Variants in GCNT2 observed in about 807,000 individuals in gnomAD.
GCNT2 encodes N-acetyllactosaminide beta-1,6-N-acetylglucosaminyl-transferase.
GCNT2 carries 34 observed loss-of-function variants against 34.2 expected under a neutral mutation model. That is an observed-to-expected ratio of 1.00 (90% CI 0.76 to 1.32). The LOEUF is 1.32. Ranked by LOEUF, GCNT2 falls within the 40% of genes most tolerant of loss-of-function variation. GCNT2 has a pLI of 0.00. For synonymous variants in GCNT2, 212 were observed against 188.0 expected, an observed-to-expected ratio of 1.13 and a Z score of -1.04; for missense variants, 584 against 489.4, an observed-to-expected ratio of 1.19 and a Z score of -1.82.
chr6:10,590,387 G>A (rs772060520), intron 3 of GCNT2, among the ~76,000 whole-genome samples: 5 of 144,802 alleles, frequency 3.5e-5, no homozygotes, highest in Non-Finnish European at 7.5e-5. Flanking sequence ...GACAGAGTGA[G>A]ACTCTGTCTC....
intron 3 of GCNT2, among the ~76,000 whole-genome samples, chr6:10,611,575 C>T (rs1039122720): frequency 1.6e-4 from 25 of 152,058 alleles, no homozygotes; most frequent in Non-Finnish European, 1.5e-4. Flanking sequence ...GTGGTCTGCC[C>T]GCCTCGGCCT....
intron 3 of GCNT2, among the ~76,000 whole-genome samples, chr6:10,569,813 T>C (rs1763458631): frequency 6.6e-6 from 1 of 151,660 alleles, no homozygotes; most frequent in Non-Finnish European, 1.5e-5. Context: ...CCCTCTGAGC[T>C]CATATGGATT....
At chr6:10,595,020 T>C (rs894093895) in intron 3 of GCNT2, among the ~76,000 whole-genome samples, 3 of 152,064 alleles carry the variant, frequency 2.0e-5, no homozygotes, top group Non-Finnish European at 2.9e-5. Context: ...TAATTTTTAA[T>C]TTCTTGTCGA....
intron 3 of GCNT2, among the ~76,000 whole-genome samples, chr6:10,565,689 C>T (rs974505503): frequency 6.6e-6 from 1 of 152,198 alleles, no homozygotes; most frequent in African/African-American, 2.4e-5. Flanking sequence ...CTACCTACAA[C>T]AGTCTTGGTA....
At chr6:10,589,028 T>C (rs1318035282) in intron 3 of GCNT2, among the ~76,000 whole-genome samples, 1 of 140,710 alleles carries the variant, frequency 7.1e-6, no homozygotes, top group African/African-American at 2.7e-5. Context: ...ATGTGGTGTA[T>C]GTGCGTGGTA....
intron 3 of GCNT2, among the ~76,000 whole-genome samples, chr6:10,544,642 A>T (rs1762185866): frequency 6.7e-6 from 1 of 149,670 alleles, no homozygotes; most frequent in South Asian, 2.2e-4. Context: ...TATTAAATAA[A>T]TAAATAAATA....
At chr6:10,587,507 T>C (rs2127414383) in intron 3 of GCNT2, among the ~76,000 whole-genome samples, 1 of 152,326 alleles carries the variant, frequency 6.6e-6, no homozygotes, top group East Asian at 1.9e-4. Context: ...GAGGAGTGGG[T>C]AACAAAGAGT....
rs188840062 is a variant in GCNT2, at chr6:10,612,241, C to T, written c.926-9110C>T. On this transcript the variant is annotated intron_variant, in intron 3 of 4. Transcript: ENST00000495262. Reference sequence around the variant, plus strand: ...ACCTCAGGTAATCCACTCCTCTCAGCCTCCCAGAGTGCTGAGATTACAGGC... The same window carrying T: ...ACCTCAGGTAATCCACTCCTCTCAGTCTCCCAGAGTGCTGAGATTACAGGC... 2.6e-3 allele frequency among the ~76,000 whole-genome samples: 391 copies of T among 152,316 alleles called. 4 individuals carry two copies. The highest frequency in any genetic ancestry group is 8.9e-3 in the African/African-American group (368 of 41,574).
chr6:10,544,263 G>A (rs1390851992), intron 3 of GCNT2, among the ~76,000 whole-genome samples: 3 of 151,524 alleles, frequency 2.0e-5, no homozygotes, highest in Non-Finnish European at 4.4e-5. Flanking sequence ...GCAGTGAGCC[G>A]AGATCACATC....
At chr6:10,543,603 T>A (rs1762134000) in intron 3 of GCNT2, among the ~76,000 whole-genome samples, 1 of 152,192 alleles carries the variant, frequency 6.6e-6, no homozygotes, top group Non-Finnish European at 1.5e-5. Flanking sequence ...TTTTTTCATA[T>A]CCTTGTTATT....
chr6:10,585,887 T>A (rs1010292926), intron 3 of GCNT2: 1 of 1,576,682 alleles, frequency 6.3e-7, no homozygotes, highest in African/African-American at 1.4e-5. Flanking sequence ...CCGGAGAAGC[T>A]GTCGAAATTC....
chr6:10,544,149 A>G (rs1045607903), intron 3 of GCNT2, among the ~76,000 whole-genome samples: 9 of 152,108 alleles, frequency 5.9e-5, no homozygotes, highest in African/African-American at 1.9e-4. Context: ...CCCCGTCTCT[A>G]GTAAAAATAC....
chr6:10,559,379 T>C (rs1762869769), intron 3 of GCNT2, among the ~76,000 whole-genome samples: 1 of 152,216 alleles, frequency 6.6e-6, no homozygotes, highest in South Asian at 2.1e-4. Flanking sequence ...CCTTTTTTGC[T>C]GTAGGTTTAT....
chr6:10,576,527 AAAAC>A (rs1317568888), intron 3 of GCNT2, among the ~76,000 whole-genome samples: 2 of 152,208 alleles, frequency 1.3e-5, no homozygotes, highest in African/African-American at 2.4e-5. Flanking sequence ...GTTAATTAAA[AAAAC>A]AAAAATCTAT....
chr6:10,555,321 G>A (rs1384979640), intron 3 of GCNT2, among the ~76,000 whole-genome samples: 1 of 152,122 alleles, frequency 6.6e-6, no homozygotes, highest in Non-Finnish European at 1.5e-5. Context: ...AACTTTCCAA[G>A]TAAAACAGCT....
intron 3 of GCNT2, among the ~76,000 whole-genome samples, chr6:10,538,437 A>AAAAAAAAAT (rs1554127249): frequency 2.7e-5 from 2 of 73,344 alleles, no homozygotes; most frequent in Non-Finnish European, 4.3e-5. Context: ...AAAAAAAAAA[A>AAAAAAAAAT]ATATATATAT....
chr6:10,616,667 G>A (rs1765780495), intron 3 of GCNT2, among the ~76,000 whole-genome samples: 1 of 152,196 alleles, frequency 6.6e-6, no homozygotes, highest in South Asian at 2.1e-4. Context: ...ACTAGATACA[G>A]AGTGCCGATT....
At chr6:10,536,986 G>A (rs980703826) in intron 3 of GCNT2, among the ~76,000 whole-genome samples, 1 of 151,958 alleles carries the variant, frequency 6.6e-6, no homozygotes, top group Non-Finnish European at 1.5e-5. Flanking sequence ...GGCTGGTCTC[G>A]AACTCCTGAC....
chr6:10,538,576 C>T (rs1364225820), intron 3 of GCNT2, among the ~76,000 whole-genome samples: 1 of 151,384 alleles, frequency 6.6e-6, no homozygotes, highest in Non-Finnish European at 1.5e-5. Context: ...GAATAACAGG[C>T]TTAGTTGCTG....
Sources: gnomAD v4.1 joint callset for allele counts (sites outside exome capture counted in the v4.1 genomes callset) on GRCh38, gnomAD v4.1.1 for gene constraint, MANE v1.5 for transcripts, NCBI Gene and HGNC (gene_info 2026-07-23, HGNC 2026-07-21) for gene names.